The following AUTS2 variants were observed in gnomAD, a reference collection of about 807,000 sequenced individuals.
AUTS2 encodes the protein activator of transcription and developmental regulator AUTS2, also known as autism susceptibility gene 2 protein.
In AUTS2, 17 loss-of-function variants were observed where a neutral mutation model predicts 112.4. The observed-to-expected ratio is 0.15, with a 90% confidence interval of 0.10 to 0.23. The LOEUF (loss-of-function observed/expected upper bound fraction) is 0.23, where lower values mean the gene tolerates loss of function less well. Ranked by LOEUF, AUTS2 falls within the 10% of genes least tolerant of loss-of-function variation. AUTS2 has a pLI of 1.00. For missense variants in AUTS2, 1,510 were observed against 1,701.6 expected (o/e 0.89, Z 1.98); for synonymous variants, 751 against 702.7 (o/e 1.07, Z -1.09).
At chr7:70,646,929 C>T (rs921636170) in intron 5 of AUTS2, among the ~76,000 whole-genome samples, 1 of 152,236 alleles carries the variant, frequency 6.6e-6, no homozygotes, top group African/African-American at 2.4e-5. Context: ...TCTGCTCTGG[C>T]CTTGCTGCTC....
chr7:70,654,103 T>C (rs62456806), intron 5 of AUTS2, among the ~76,000 whole-genome samples: 165 of 152,300 alleles, frequency 1.1e-3, no homozygotes, highest in Non-Finnish European at 1.8e-3. Context: ...CCAAAGCCCA[T>C]AATAAGCCAG....
At chr7:70,510,262 C>T (rs1563004514) in intron 5 of AUTS2, among the ~76,000 whole-genome samples, 1 of 152,218 alleles carries the variant, frequency 6.6e-6, no homozygotes, top group Non-Finnish European at 1.5e-5. Flanking sequence ...AAGCCCTTCC[C>T]CATATCTTAG....
At chr7:69,801,290 G>C (rs938633081) in intron 1 of AUTS2, among the ~76,000 whole-genome samples, 1 of 150,838 alleles carries the variant, frequency 6.6e-6, no homozygotes, top group African/African-American at 2.4e-5. Flanking sequence ...CTATGAGAAA[G>C]AATGATTAAA....
intron 4 of AUTS2, among the ~76,000 whole-genome samples, chr7:70,374,470 C>T (rs1329929392): frequency 6.6e-6 from 1 of 152,092 alleles, no homozygotes; most frequent in Non-Finnish European, 1.5e-5. Context: ...AGTAAAAAAG[C>T]GGGCAGTTAA....
chr7:70,435,160 T>C (rs1051765711), intron 4 of AUTS2, among the ~76,000 whole-genome samples: 3 of 152,198 alleles, frequency 2.0e-5, no homozygotes, highest in Admixed American at 1.3e-4. Flanking sequence ...TAGGGAATGT[T>C]CCTTCTATTC....
chr7:70,197,261 C>CCACACA lies in AUTS2; in HGVS notation c.660+62710_660+62715dup, dbSNP rs10618080. 7.6e-3 allele frequency among the ~76,000 whole-genome samples: 1,140 copies of CCACACA among 149,212 alleles called. 7 individuals carry two copies. Among genetic ancestry groups the CCACACA allele is most frequent in the Non-Finnish European group, 8.3e-3 (557 of 67,072 alleles). On this transcript the variant is annotated intron_variant, in intron 4 of 18. Transcript: ENST00000342771. ...CTAAATAGTTGCCAAAATTCTTAGT[C>CCACACA]CACACACACACACACACACACACAC...
intron 1 of AUTS2, among the ~76,000 whole-genome samples, chr7:69,641,463 G>C (rs73167515): frequency 8.7e-4 from 133 of 152,320 alleles, no homozygotes; most frequent in Non-Finnish European, 1.6e-3. Context: ...TGAATTACTT[G>C]AGGGCAGGAT....
chr7:70,417,235 G>C (rs1380317823), intron 4 of AUTS2, among the ~76,000 whole-genome samples: 2 of 152,222 alleles, frequency 1.3e-5, no homozygotes, highest in African/African-American at 4.8e-5. Context: ...GCAGCCGGCT[G>C]TGCCTTTAGC....
rs561215009 is a variant in AUTS2, at chr7:69,630,657, G to T, written c.309+30695G>T. On this transcript the variant is annotated intron_variant, in intron 1 of 18. Transcript: ENST00000342771. The stretch of plus-strand genomic sequence containing the variant: ...GTTTTTGTTTGTTCAAGATGTGGAA[G>T]TGTATATCCTTCTTTAGCAACATAT... Among the ~76,000 whole-genome samples the T allele has an allele frequency of 2.0e-5, 3 of 152,338 alleles. No homozygotes were observed. The South Asian group carries it at 6.2e-4, about 32-fold the overall frequency.
At chr7:70,566,175 T>G (rs1399450981) in intron 5 of AUTS2, among the ~76,000 whole-genome samples, 2 of 152,216 alleles carry the variant, frequency 1.3e-5, no homozygotes, top group Non-Finnish European at 2.9e-5. Context: ...TCTGCCAAAT[T>G]TGCCTTTGGC....
intron 1 of AUTS2, among the ~76,000 whole-genome samples, chr7:69,606,168 G>C (rs1792704851): frequency 6.6e-6 from 1 of 152,194 alleles, no homozygotes; most frequent in Non-Finnish European, 1.5e-5. Flanking sequence ...AAAGGGTTAA[G>C]AAAACAGAAC....
chr7:70,205,693 C>T (rs1056248453), intron 4 of AUTS2, among the ~76,000 whole-genome samples: 5 of 152,246 alleles, frequency 3.3e-5, no homozygotes, highest in Admixed American at 6.5e-5. Context: ...TGCACAGCAA[C>T]GAGATCACTT....
rs572794781 is a variant in AUTS2 at position 70,107,377 on chromosome 7, C to T, written c.523-10755C>T. Among the ~76,000 whole-genome samples, 77 of 127,434 alleles carry T rather than the reference C, an allele frequency of 6.0e-4. 1 individual carries two copies. Among genetic ancestry groups the T allele is most frequent in the African/African-American group, 2.0e-3 (67 of 33,592 alleles). 83.6% of individuals were successfully genotyped at this position (127,434 alleles called of 152,430 possible). On this transcript the variant is annotated intron_variant, in intron 2 of 18. Transcript: ENST00000342771. ...TTTTTTTCTTTGAGACTGAGTCTAG[C>T]TCTTTCGCCAGGCTGGAGTTCAGTA...
chr7:70,272,222 G>A (rs1205539147), intron 4 of AUTS2, among the ~76,000 whole-genome samples: 1 of 150,952 alleles, frequency 6.6e-6, no homozygotes, highest in East Asian at 1.9e-4. Flanking sequence ...AGGGAAGTGT[G>A]TTGTAGTTAA....
chr7:70,415,483 A>C (rs1025741359), intron 4 of AUTS2, among the ~76,000 whole-genome samples: 2 of 152,226 alleles, frequency 1.3e-5, no homozygotes, highest in Non-Finnish European at 2.9e-5. Context: ...AATTGAAACT[A>C]GACCATCTGA....
intron 2 of AUTS2, among the ~76,000 whole-genome samples, chr7:70,030,875 G>T (rs1404404745): frequency 2.0e-5 from 3 of 152,100 alleles, no homozygotes; most frequent in Non-Finnish European, 4.4e-5. Flanking sequence ...CCTGTAGAAC[G>T]GGATCCCACT....
chr7:69,905,341 T>C (rs1344196362), intron 2 of AUTS2, among the ~76,000 whole-genome samples: 1 of 152,164 alleles, frequency 6.6e-6, no homozygotes, highest in Non-Finnish European at 1.5e-5. Context: ...CAGTAGAATA[T>C]ATATGTGGGT....
chr7:70,021,764 CTTGT>C (rs1239475101), intron 2 of AUTS2, among the ~76,000 whole-genome samples: 1 of 152,094 alleles, frequency 6.6e-6, no homozygotes, highest in Non-Finnish European at 1.5e-5. Flanking sequence ...TTCAAATTGA[CTTGT>C]TTAAGAAGGT....
rs111742947 is a variant in AUTS2 at position 69,968,741 on chromosome 7, T to C, written c.522+69243T>C. On this transcript the variant is annotated intron_variant, in intron 2 of 18. Transcript: ENST00000342771. ...GTGGCAAGATGGAAAATTGTGCGAC[T>C]GTCTTTATACTCCTTATGATTATAT... is the stretch of plus-strand genomic sequence containing the variant. 3.6e-4 allele frequency among the ~76,000 whole-genome samples: 55 copies of C among 152,294 alleles called. 2 individuals carry two copies. The highest frequency in any genetic ancestry group is 1.2e-3 in the African/African-American group (50 of 41,574).
Sources: gnomAD v4.1 joint callset for allele counts (sites outside exome capture counted in the v4.1 genomes callset) on GRCh38, gnomAD v4.1.1 for gene constraint, MANE v1.5 for transcripts, NCBI Gene and HGNC (gene_info 2026-07-23, HGNC 2026-07-21) for gene names.